The following RNF217 variants were observed in gnomAD, a reference collection of about 807,000 sequenced individuals.
RNF217 encodes the protein ring finger protein 217.
RNF217 carries 31 observed loss-of-function variants against 57.8 expected under a neutral mutation model. The observed-to-expected ratio is 0.54, with a 90% CI of 0.40 to 0.72. The LOEUF (loss-of-function observed/expected upper bound fraction) is 0.72. Ranked by LOEUF, RNF217 falls within the 30% of genes least tolerant of loss-of-function variation. The pLI is 0.00. For missense variants in RNF217, 696 were observed against 708.3 expected (o/e 0.98, Z 0.20); for synonymous variants, 313 against 294.0 (o/e 1.06, Z -0.66).
intron 1 of RNF217, among the ~76,000 whole-genome samples, chr6:125,023,863 T>A (rs971406285): frequency 6.6e-6 from 1 of 152,044 alleles, no homozygotes; most frequent in Non-Finnish European, 1.5e-5. Context: ...ATATATGGAA[T>A]CTTAAAAAGT....
At position 125,092,384 on chromosome 6, in the gene RNF217, T is replaced by C. The variant is rs934558904; in HGVS notation, c.*9447T>C. 2 of 152,224 alleles carry C rather than the reference T, an allele frequency of 1.3e-5. No homozygotes were observed. The highest frequency in any genetic ancestry group is 1.3e-4 in the Admixed American group (2 of 15,278). 9.4% of individuals were successfully genotyped at this position (152,224 alleles called of 1,614,324 possible). On this transcript the variant is annotated 3_prime_UTR_variant, in exon 6 of 6. Coordinates refer to ENST00000521654, the MANE Select transcript of RNF217 (RefSeq NM_001286398.3). Reference sequence around the variant, plus strand: ...CAATGACCTTTTGTTGTGGTTGGGCTTTTATAAAAAATTATTTTCGGTTGG... The same window carrying C: ...CAATGACCTTTTGTTGTGGTTGGGCCTTTATAAAAAATTATTTTCGGTTGG...
At chr6:125,068,826 A>G (rs1357114178) in intron 3 of RNF217, among the ~76,000 whole-genome samples, 1 of 152,212 alleles carries the variant, frequency 6.6e-6, no homozygotes, top group African/African-American at 2.4e-5. Flanking sequence ...AACAATGAGT[A>G]GTATTCTTTG....
In RNF217 at chr6:125,086,467, C is replaced by T. The variant is rs1788775011; in HGVS notation, c.*3530C>T. The T allele has an allele frequency of 6.6e-6, 1 of 151,994 alleles. No individual in the cohort carries two copies. The highest frequency in any genetic ancestry group is 2.4e-5 in the African/African-American group (1 of 41,400). 9.4% of individuals were successfully genotyped at this position (151,994 alleles called of 1,614,324 possible). A position where few individuals can be genotyped will look rare whatever the true frequency, so the allele number is the denominator to read the frequency against. The stretch of plus-strand genomic sequence containing the variant: ...TTTTCGCATTTTTAGTAACACTATC[C>T]ACTTTTGTGTATGTTGCTTGACAGA... On this transcript the variant is annotated 3_prime_UTR_variant, in exon 6 of 6. Transcript: ENST00000521654.
At chr6:125,076,931 G>A in intron 4 of RNF217, 73 bp downstream of exon 4, 1 of 1,317,330 alleles carries the variant, frequency 7.6e-7, no homozygotes, top group Non-Finnish European at 1.1e-6. Context: ...GAAATGTGCA[G>A]CCATGGTAAT....
intron 1 of RNF217, among the ~76,000 whole-genome samples, chr6:124,988,911 C>T (rs1420654111): frequency 2.0e-5 from 3 of 152,172 alleles, no homozygotes; most frequent in African/African-American, 7.2e-5. Flanking sequence ...AGGAAAACAA[C>T]TTGAAATCAT....
At chr6:125,056,730 G>A (rs1181278633) in intron 2 of RNF217, among the ~76,000 whole-genome samples, 1 of 152,186 alleles carries the variant, frequency 6.6e-6, no homozygotes, top group Admixed American at 6.6e-5. Flanking sequence ...AAAGAGAGTG[G>A]TCAGTTATAA....
At chr6:124,989,350 A>G (rs1784470216) in intron 1 of RNF217, among the ~76,000 whole-genome samples, 1 of 152,204 alleles carries the variant, frequency 6.6e-6, no homozygotes, top group Admixed American at 6.6e-5. Context: ...AAAGCATGAC[A>G]CTTGAAGTTT....
intron 1 of RNF217, among the ~76,000 whole-genome samples, chr6:125,034,851 T>C (rs1343488890): frequency 6.6e-6 from 1 of 152,124 alleles, no homozygotes; most frequent in African/African-American, 2.4e-5. Context: ...CTTCCATTTG[T>C]TTGTATCCTC....
In RNF217 at chr6:125,082,856, A is replaced by T. The variant is rs1177137603; in HGVS notation, c.1556-8A>T. On this transcript the variant is annotated splice_region_variant and splice_polypyrimidine_tract_variant and intron_variant, in intron 5 of 5. Transcript: ENST00000521654. ...TCCTAACTAACTTTAATTTTTTCTT[A>T]TCCCTAGGTTTATTTGTATTTCCTA... The T allele has an allele frequency of 6.3e-7, 1 of 1,590,470 alleles. No homozygotes were observed. The highest frequency in any genetic ancestry group is 1.8e-5 in the Admixed American group (1 of 55,872).
chr6:125,074,215 T>C (rs1415738440), intron 3 of RNF217, among the ~76,000 whole-genome samples: 1 of 152,132 alleles, frequency 6.6e-6, no homozygotes, highest in African/African-American at 2.4e-5. Flanking sequence ...ATATGCTGTG[T>C]TCCACTTAAT....
chr6:124,980,856 T>A (rs1236219867), intron 1 of RNF217, among the ~76,000 whole-genome samples: 1 of 152,178 alleles, frequency 6.6e-6, no homozygotes, highest in African/African-American at 2.4e-5. Context: ...CCAGTAGTAT[T>A]TCAGTGGGAG....
intron 1 of RNF217, among the ~76,000 whole-genome samples, chr6:125,044,225 G>A (rs1787002220): frequency 1.3e-5 from 2 of 151,960 alleles, no homozygotes; most frequent in Non-Finnish European, 2.9e-5. Flanking sequence ...AGGGTTTGGT[G>A]TTGTTTGTCA....
chr6:124,994,457 T>G (rs1293682929), intron 1 of RNF217, among the ~76,000 whole-genome samples: 2 of 152,200 alleles, frequency 1.3e-5, no homozygotes, highest in Non-Finnish European at 2.9e-5. Context: ...CTAGTCAGTG[T>G]TCAAATTTCC....
chr6:125,011,126 A>G (rs1785399115), intron 1 of RNF217, among the ~76,000 whole-genome samples: 1 of 152,128 alleles, frequency 6.6e-6, no homozygotes, highest in Admixed American at 6.6e-5. Flanking sequence ...GTTAAAAGGG[A>G]AGGAAGAAGA....
At chr6:124,983,455 T>A (rs957280685) in intron 1 of RNF217, 6 of 984,792 alleles carry the variant, frequency 6.1e-6, no homozygotes, top group Admixed American at 6.1e-5. Context: ...GCCTGAGTGA[T>A]GGTTTAGTGG....
intron 1 of RNF217, among the ~76,000 whole-genome samples, chr6:124,993,651 A>C (rs1784643974): frequency 6.6e-6 from 1 of 152,172 alleles, no homozygotes; most frequent in Admixed American, 6.5e-5. Context: ...ACAGTGTAGT[A>C]GGTGCTACAT....
chr6:125,029,387 C>G (rs778294427), intron 1 of RNF217, among the ~76,000 whole-genome samples: 6 of 152,242 alleles, frequency 3.9e-5, no homozygotes, highest in Non-Finnish European at 8.8e-5. Context: ...TTCCTCTACA[C>G]TAAACAGCAT....
At position 124,962,571 on chromosome 6, in the gene RNF217, C is replaced by G. The variant is rs1398230712; in HGVS notation, c.27C>G (p.Ser9Arg). 8.0e-7 allele frequency: 1 copy of G among 1,244,750 alleles called. No individual in the cohort carries two copies. The highest frequency in any genetic ancestry group is 1.0e-6 in the Non-Finnish European group (1 of 995,844). 77.1% of individuals were successfully genotyped at this position (1,244,750 alleles called of 1,614,324 possible). A position where few individuals can be genotyped will look rare whatever the true frequency, so the allele number is the denominator to read the frequency against. Residue 9 changes from serine (S) to arginine (R), a missense_variant, in exon 1 of 6, where the codon AGC becomes AGG. This residue lies in a region of RNF217 where 465 missense variants were observed against 386.8 expected (regional missense o/e 1.20). Coordinates refer to ENST00000521654, the MANE Select transcript of RNF217 (RefSeq NM_001286398.3). This position sits in a 1 kb window ranked among gnomAD's most constrained non-coding sequence, Gnocchi z 4.6. ...TGGGCGAGGAGCAGAGCACGGTGAG[C>G]GGCGGCGGCGGGCCCCAGGAGTCGC... MGEEQSTVSGGGGPQESQT... is the reference protein window; with the variant it reads MGEEQSTVRGGGGPQESQT...
chr6:125,060,684 G>A (rs1582764602), intron 3 of RNF217, among the ~76,000 whole-genome samples: 1 of 151,694 alleles, frequency 6.6e-6, no homozygotes, highest in East Asian at 1.9e-4. Flanking sequence ...ACCTCAAGTG[G>A]TCCACCCGCC....
Sources: allele counts gnomAD v4.1 joint callset (sites outside exome capture counted in the v4.1 genomes callset), GRCh38; gene constraint gnomAD v4.1.1; regional missense constraint gnomAD v4.1.1; non-coding constraint Gnocchi (gnomAD v3.1); transcripts MANE v1.5; gene names NCBI Gene and HGNC (gene_info 2026-07-23, HGNC 2026-07-21).